Variants in PCBP3 observed in about 807,000 individuals in gnomAD.
PCBP3 encodes the protein poly(rC)-binding protein 3.
A neutral mutation model predicts 52.7 loss-of-function variants in PCBP3; 25 were observed. That is an observed-to-expected ratio of 0.47 (90% CI 0.35 to 0.66). The LOEUF (loss-of-function observed/expected upper bound fraction) is 0.66. Ranked by LOEUF, PCBP3 falls within the 30% of genes least tolerant of loss-of-function variation. PCBP3 has a pLI of 0.01. For synonymous variants in PCBP3, 162 were observed against 183.0 expected, an observed-to-expected ratio of 0.89 and a Z score of 0.93; for missense variants, 391 against 490.3, an observed-to-expected ratio of 0.80 and a Z score of 1.91.
rs1555895746 is a variant in PCBP3 at position 45,646,107 on chromosome 21, C to CTCTCTG, written c.-279+2240_-279+2241insCTCTGT. On this transcript the variant is annotated intron_variant, in intron 1 of 17. Transcript: ENST00000681687. Reference sequence around the variant, plus strand: ...TTTCTCTCTCTCTCTCTCTCTCTCTCTGTGTGTGTGTGTGTGTGTGTGTGT... The same window carrying CTCTCTG: ...TTTCTCTCTCTCTCTCTCTCTCTCTCTCTCTGTGTGTGTGTGTGTGTGTGTGTGTGT... Among the ~76,000 whole-genome samples, 107 of 83,816 alleles carry CTCTCTG rather than the reference C, an allele frequency of 1.3e-3. 1 individual carries two copies. Among genetic ancestry groups the CTCTCTG allele is most frequent in the Admixed American group, 2.5e-3 (16 of 6,528 alleles). The allele number at this position is 83,816 out of a possible 152,430, so 55.0% of individuals were successfully genotyped here.
intron 2 of PCBP3, among the ~76,000 whole-genome samples, chr21:45,679,819 T>A (rs1382069873): frequency 6.6e-6 from 1 of 152,246 alleles, no homozygotes; most frequent in Admixed American, 6.5e-5. Context: ...GTCTAAGTTT[T>A]ATAGTTTTAC....
intron 2 of PCBP3, among the ~76,000 whole-genome samples, chr21:45,734,148 G>A (rs1478857868): frequency 1.3e-5 from 2 of 152,198 alleles, no homozygotes; most frequent in South Asian, 4.1e-4. Flanking sequence ...ATTGCCTAGT[G>A]TAGTACCCCA....
intron 2 of PCBP3, among the ~76,000 whole-genome samples, chr21:45,729,333 C>T (rs1383770981): frequency 1.3e-5 from 2 of 152,140 alleles, no homozygotes; most frequent in African/African-American, 4.8e-5. Flanking sequence ...GTTGTTTCCC[C>T]GTGTTGGCTA....
At chr21:45,698,612 A>G (rs1168885255) in intron 2 of PCBP3, among the ~76,000 whole-genome samples, 1 of 152,246 alleles carries the variant, frequency 6.6e-6, no homozygotes, top group Non-Finnish European at 1.5e-5. Context: ...CTCATTCCAG[A>G]AGAGCTCTTG....
intron 2 of PCBP3, among the ~76,000 whole-genome samples, chr21:45,709,516 T>C (rs1002717792): frequency 2.6e-5 from 4 of 152,212 alleles, no homozygotes; most frequent in African/African-American, 9.6e-5. Flanking sequence ...CCGTGAGAGC[T>C]GCTGTTTTCC....
Position 45,829,561 on chromosome 21 carries a change from T to C in PCBP3, c.-125-20400T>C, listed in dbSNP as rs2093394927. The stretch of plus-strand genomic sequence containing the variant: ...GCCTAGCGGTACCAGGACGGTTCTT[T>C]TAGACACTCGTAAGAAGCCAAGCCA... On this transcript the variant is annotated intron_variant, in intron 4 of 17. Coordinates refer to ENST00000681687, the MANE Select transcript of PCBP3 (RefSeq NM_001384156.1). The surrounding 1 kb of genome is among the most constrained non-coding windows in gnomAD (Gnocchi z 5.2). 6.6e-6 allele frequency: 1 copy of C among 152,244 alleles called. No individual in the cohort carries two copies. The highest frequency in any genetic ancestry group is 2.1e-4 in the South Asian group (1 of 4,834). The allele number at this position is 152,244 out of a possible 1,614,324, so 9.4% of individuals were successfully genotyped here.
At chr21:45,881,217 C>T (rs1039811240) in intron 5 of PCBP3, among the ~76,000 whole-genome samples, 1 of 152,210 alleles carries the variant, frequency 6.6e-6, no homozygotes, top group Non-Finnish European at 1.5e-5. Context: ...GTAGATTACA[C>T]AGACAGATTT....
chr21:45,835,313 C>T lies in PCBP3; in HGVS notation c.-125-14648C>T, dbSNP rs577326719. Among the ~76,000 whole-genome samples, 6 of 152,230 alleles carry T rather than the reference C, an allele frequency of 3.9e-5. No homozygotes were observed. In the South Asian group the frequency reaches 1.0e-3, roughly 26 times the overall value. On this transcript the variant is annotated intron_variant, in intron 4 of 17. Coordinates refer to ENST00000681687, the MANE Select transcript of PCBP3 (RefSeq NM_001384156.1). ...CTCCTGCACAAGACTCGCCCCACTC[C>T]GGAGGCTTAGCAGCACCGGAGCTGC...
At chr21:45,900,381 G>A (rs1301139752) in intron 7 of PCBP3, among the ~76,000 whole-genome samples, 1 of 152,156 alleles carries the variant, frequency 6.6e-6, no homozygotes, top group Admixed American at 6.5e-5. Flanking sequence ...TGCATTCCTG[G>A]GCCTCAGTTT....
chr21:45,705,528 G>A (rs1440505215), intron 2 of PCBP3, among the ~76,000 whole-genome samples: 1 of 152,222 alleles, frequency 6.6e-6, no homozygotes, highest in Non-Finnish European at 1.5e-5. Context: ...TACTGGGCGT[G>A]CACTTCTACC....
At position 45,737,312 on chromosome 21, in the gene PCBP3, C is replaced by A. The variant is rs1012095990; in HGVS notation, c.-162+1883C>A. On this transcript the variant is annotated intron_variant, in intron 3 of 17. Transcript: ENST00000681687. The surrounding 1 kb of genome is among the most constrained non-coding windows in gnomAD (Gnocchi z 4.9). ...GGCTTTAGCTAAAGCTGCTGTAATACCTGTTTCTTAGAGGAATCCAAATCC... is the reference window on the plus strand; with the variant it reads ...GGCTTTAGCTAAAGCTGCTGTAATAACTGTTTCTTAGAGGAATCCAAATCC... Among the ~76,000 whole-genome samples the A allele has an allele frequency of 4.6e-5, 7 of 152,290 alleles. No homozygotes were observed. The highest frequency in any genetic ancestry group is 7.4e-5 in the Non-Finnish European group (5 of 68,018).
intron 16 of PCBP3, among the ~76,000 whole-genome samples, chr21:45,939,156 T>A (rs913817450): frequency 1.3e-5 from 2 of 152,218 alleles, no homozygotes; most frequent in African/African-American, 4.8e-5. Context: ...CCGGGCACCC[T>A]CCAGTCTGGG....
chr21:45,867,689 C>T (rs1052855855), intron 5 of PCBP3, among the ~76,000 whole-genome samples: 2 of 152,282 alleles, frequency 1.3e-5, no homozygotes, highest in Non-Finnish European at 2.9e-5. Flanking sequence ...GGGGGCTGCG[C>T]CCATCGTGGA....
chr21:45,714,215 G>A (rs190729432), intron 2 of PCBP3, among the ~76,000 whole-genome samples: 1 of 152,236 alleles, frequency 6.6e-6, no homozygotes, highest in African/African-American at 2.4e-5. Context: ...CTTGCTCTGG[G>A]ACTCTCCCAT....
intron 4 of PCBP3, among the ~76,000 whole-genome samples, chr21:45,815,992 G>C (rs1401345734): frequency 6.0e-5 from 8 of 133,638 alleles, no homozygotes; most frequent in Admixed American, 7.1e-5. Context: ...AGTGGTGAGT[G>C]AGTGGTGAGT....
chr21:45,885,962 G>A lies in PCBP3; in HGVS notation c.11-10246G>A, dbSNP rs564014002. 7.9e-5 allele frequency among the ~76,000 whole-genome samples: 12 copies of A among 152,326 alleles called. No individual in the cohort carries two copies. The South Asian group carries it at 8.3e-4, about 11-fold the overall frequency. ...GAAATCTGGACCTTCTGGATATTACGTTATGAGACTCTGGTTATATAAACC... is the reference window on the plus strand; with the variant it reads ...GAAATCTGGACCTTCTGGATATTACATTATGAGACTCTGGTTATATAAACC... On this transcript the variant is annotated intron_variant, in intron 5 of 17. Transcript: ENST00000681687.
intron 5 of PCBP3, among the ~76,000 whole-genome samples, chr21:45,891,615 T>A (rs2095665225): frequency 6.6e-6 from 1 of 152,136 alleles, no homozygotes; most frequent in African/African-American, 2.4e-5. Context: ...GACCAAGGAC[T>A]GCAGGTTCCT....
At chr21:45,839,546 C>T (rs1047494450) in intron 4 of PCBP3, among the ~76,000 whole-genome samples, 9 of 152,204 alleles carry the variant, frequency 5.9e-5, no homozygotes, top group African/African-American at 2.2e-4. Flanking sequence ...CTGTAGCCTT[C>T]ACAGGAGAAA....
At chr21:45,728,571 G>A (rs372724319) in intron 2 of PCBP3, 1 of 152,038 alleles carries the variant, frequency 6.6e-6, no homozygotes, top group African/African-American at 2.4e-5. Context: ...TCATGTTAAT[G>A]CTTGCCTTAT....
Sources: gnomAD v4.1 joint callset for allele counts (sites outside exome capture counted in the v4.1 genomes callset) on GRCh38, gnomAD v4.1.1 for gene constraint, Gnocchi (gnomAD v3.1) non-coding constraint, MANE v1.5 for transcripts, NCBI Gene and HGNC (gene_info 2026-07-23, HGNC 2026-07-21) for gene names.